NCAPG: variants seen among roughly 807,000 people sequenced by gnomAD.
The protein encoded by NCAPG is condensin complex subunit 3.
A neutral mutation model predicts 113.1 loss-of-function variants in NCAPG; 69 were observed. That is an observed-to-expected ratio of 0.61 (90% confidence interval 0.50 to 0.75). NCAPG has a LOEUF of 0.75. Ranked by LOEUF, NCAPG falls within the 30% of genes least tolerant of loss-of-function variation. The probability of loss-of-function intolerance (pLI) is 0.00; values close to 1 mark genes in which losing one functional copy is unlikely to be tolerated. For synonymous variants in NCAPG, 370 were observed against 415.8 expected (o/e 0.89, Z 1.34); for missense variants, 1,058 against 1,177.0 (o/e 0.90, Z 1.48).
intron 11 of NCAPG, among the ~76,000 whole-genome samples, chr4:17,827,202 G>A (rs1721686876): frequency 6.6e-6 from 1 of 152,236 alleles, no homozygotes; most frequent in East Asian, 1.9e-4. Context: ...ATGGGGAGAA[G>A]CAGGAGAAAA....
intron 8 of NCAPG, 111 bp downstream of exon 8, chr4:17,823,234 T>A: frequency 9.5e-7 from 1 of 1,049,148 alleles, no homozygotes; most frequent in Non-Finnish European, 1.4e-6. Flanking sequence ...TCTAAAGTGG[T>A]ATAAAAAGTT....
chr4:17,831,115 A>C lies in NCAPG; in HGVS notation c.1883A>C (p.Gln628Pro). The C allele has an allele frequency of 2.5e-6, 4 of 1,612,348 alleles. No homozygotes were observed. Among genetic ancestry groups the C allele is most frequent in the Non-Finnish European group, 3.4e-6 (4 of 1,179,440 alleles). The change falls in exon 13 of 21, where the codon CAG becomes CCG. Residue 628 changes from glutamine to proline, a missense_variant and splice_region_variant. By Grantham distance (76) the Gln-to-Pro change is moderately conservative. Transcript: ENST00000251496. The stretch of plus-strand genomic sequence containing the variant: ...AGGAAACACTTCGTATTACTATTGC[A>C]GGTAGGATTTATCTTGTGATAAATC... ...FARKHFVLLL[Q>P]VLQIDDVTIK...
intron 19 of NCAPG, chr4:17,841,792 T>C (rs903015176): frequency 2.6e-5 from 4 of 152,250 alleles, no homozygotes; most frequent in African/African-American, 9.7e-5. Flanking sequence ...GTTTTTACAT[T>C]GAAATATATT....
chr4:17,815,283 GA>G lies in NCAPG; in HGVS notation c.704del (p.Lys235ArgfsTer4). On this transcript the variant is annotated frameshift_variant, in exon 5 of 21. Transcript: ENST00000251496. LOFTEE classifies it high-confidence loss of function. ...ATAAATTATTTTTAAGGTTTTAGCT[GA>G]AAAGGTTCATATGAGAGCTATGTCC... ...VRKLAYQVLA[E>X]KVHMRAMSIA... 1.3e-6 allele frequency: 2 copies of G among 1,598,902 alleles called. No individual in the cohort carries two copies. Among genetic ancestry groups the G allele is most frequent in the Admixed American group, 1.8e-5 (1 of 55,364 alleles).
At chr4:17,830,127 G>A (rs1178980399) in intron 12 of NCAPG, among the ~76,000 whole-genome samples, 2 of 152,130 alleles carry the variant, frequency 1.3e-5, no homozygotes, top group African/African-American at 4.8e-5. Flanking sequence ...GGGCGTGGTG[G>A]CTCACACCTG....
intron 5 of NCAPG, among the ~76,000 whole-genome samples, chr4:17,816,096 C>T (rs1577332994): frequency 6.6e-6 from 1 of 151,732 alleles, no homozygotes; most frequent in East Asian, 1.9e-4. Context: ...GTAGAGTTCC[C>T]CAACATTTTT....
chr4:17,825,549 C>T lies in NCAPG; in HGVS notation c.1641C>T (p.Val547=), dbSNP rs192072607. ...KETEQLEIKE[V]HIEKNDAETL... The stretch of plus-strand genomic sequence containing the variant: ...CAGAGCAACTTGAAATTAAAGAAGT[C>T]CACATAGAGAAGGTACAGGTAACTT... Residue 547 remains valine, a synonymous_variant, in exon 11 of 21, where the codon GTC becomes GTT. Transcript: ENST00000251496. The T allele has an allele frequency of 1.2e-4, 199 of 1,592,854 alleles. No homozygotes were observed. In the Admixed American group the frequency reaches 3.7e-3, roughly 30 times the overall value.
chr4:17,820,812 C>G (rs1422465245), intron 7 of NCAPG, among the ~76,000 whole-genome samples: 1 of 152,238 alleles, frequency 6.6e-6, no homozygotes, highest in East Asian at 1.9e-4. Flanking sequence ...GCAGTAGATT[C>G]AATGACTAAG....
At chr4:17,830,149 C>T (rs1215469513) in intron 12 of NCAPG, among the ~76,000 whole-genome samples, 1 of 152,068 alleles carries the variant, frequency 6.6e-6, no homozygotes, top group African/African-American at 2.4e-5. Flanking sequence ...AATCCTAGTA[C>T]ATTGGGAGGC....
At chr4:17,812,851 A>G in intron 2 of NCAPG, 66 bp from the exon 3 acceptor site, 2 of 1,323,568 alleles carry the variant, frequency 1.5e-6, no homozygotes, top group African/African-American at 1.4e-5. Context: ...TATAGAGTTC[A>G]GATAATATTG....
intron 13 of NCAPG, among the ~76,000 whole-genome samples, chr4:17,833,638 T>C (rs1721967388): frequency 6.6e-6 from 1 of 151,752 alleles, no homozygotes; most frequent in South Asian, 2.1e-4. Flanking sequence ...ATATATATTT[T>C]TTGTAATATA....
intron 19 of NCAPG, 117 bp downstream of exon 19, chr4:17,840,810 A>G: frequency 1.9e-6 from 1 of 530,912 alleles, no homozygotes; most frequent in Non-Finnish European, 3.0e-6. Flanking sequence ...GATTTTTTTT[A>G]AAATGTCTTT....
At chr4:17,840,465 T>C (rs529836268) in intron 18 of NCAPG, 142 bp from the exon 19 acceptor site, 1 of 599,932 alleles carries the variant, frequency 1.7e-6, no homozygotes, top group South Asian at 6.5e-5. Context: ...ATTCAAATTT[T>C]CGAAAGGGTG....
Position 17,815,307 on chromosome 4 carries a change from T to C in NCAPG, c.724T>C (p.Ser242Pro). 1 of 1,592,974 alleles carries C rather than the reference T, an allele frequency of 6.3e-7. No individual in the cohort carries two copies. Among genetic ancestry groups the C allele is most frequent in the Non-Finnish European group, 8.5e-7 (1 of 1,175,252 alleles). The change falls in exon 5 of 21, where the codon TCC (serine) becomes CCC (proline). Residue 242 changes from serine to proline, a missense_variant. Coordinates refer to ENST00000251496, the MANE Select transcript of NCAPG (RefSeq NM_022346.5). ...LAEKVHMRAMSIAQRVMLLQQ... is the reference protein window; with the variant it reads ...LAEKVHMRAMPIAQRVMLLQQ... The stretch of plus-strand genomic sequence containing the variant: ...TGAAAAGGTTCATATGAGAGCTATG[T>C]CCATTGCTCAGAGAGTAATGCTCCT...
chr4:17,830,408 GA>G (rs1424263855), intron 12 of NCAPG, among the ~76,000 whole-genome samples: 1 of 151,172 alleles, frequency 6.6e-6, no homozygotes, highest in Non-Finnish European at 1.5e-5. Context: ...AAAAAGAAAA[GA>G]AAAAAGAAAA....
At chr4:17,821,711 G>A (rs527945427) in intron 7 of NCAPG, among the ~76,000 whole-genome samples, 23 of 152,012 alleles carry the variant, frequency 1.5e-4, no homozygotes, top group Non-Finnish European at 2.8e-4. Context: ...TGATCCTCCC[G>A]CCTCAACCCC....
At chr4:17,818,732 A>G (rs1489669408) in intron 7 of NCAPG, among the ~76,000 whole-genome samples, 1 of 152,196 alleles carries the variant, frequency 6.6e-6, no homozygotes, top group Non-Finnish European at 1.5e-5. Flanking sequence ...CTTACTATCT[A>G]GCTTCATGTT....
At chr4:17,824,436 T>G (rs1721577794) in intron 9 of NCAPG, among the ~76,000 whole-genome samples, 1 of 152,118 alleles carries the variant, frequency 6.6e-6, no homozygotes, top group Non-Finnish European at 1.5e-5. Flanking sequence ...CATGCTTAGT[T>G]GTTATTCAGC....
At chr4:17,827,091 A>G (rs1277565811) in intron 11 of NCAPG, among the ~76,000 whole-genome samples, 2 of 152,142 alleles carry the variant, frequency 1.3e-5, no homozygotes, top group African/African-American at 4.8e-5. Context: ...TGAATTATGG[A>G]AGGAATGTTG....
Sources: allele counts gnomAD v4.1 joint callset (sites outside exome capture counted in the v4.1 genomes callset), GRCh38; gene constraint gnomAD v4.1.1; transcripts MANE v1.5; gene names NCBI Gene and HGNC (gene_info 2026-07-23, HGNC 2026-07-21).